EXOC4: variants seen among roughly 807,000 people sequenced by gnomAD.
EXOC4 encodes the protein SEC8-like 1.
EXOC4 carries 71 observed loss-of-function variants against 107.2 expected under a neutral mutation model. That is an observed-to-expected ratio of 0.66 (90% CI 0.55 to 0.81). The LOEUF is 0.81. Among genes scored for constraint, EXOC4 ranks in the 30% least tolerant of loss-of-function variants. The probability of loss-of-function intolerance (pLI) is 0.00; values close to 1 mark genes in which losing one functional copy is unlikely to be tolerated. For synonymous variants in EXOC4, 456 were observed against 441.2 expected (o/e 1.03, Z -0.42); for missense variants, 1,108 against 1,189.6 (o/e 0.93, Z 1.01).
intron 10 of EXOC4, among the ~76,000 whole-genome samples, chr7:133,645,424 C>T (rs191727287): frequency 7.3e-4 from 111 of 152,068 alleles, no homozygotes; most frequent in Admixed American, 1.4e-3. Context: ...CCTCTTCTCT[C>T]AGTGGTCCCT....
chr7:133,636,911 ACAGT>A (rs1468730316), intron 10 of EXOC4, among the ~76,000 whole-genome samples: 17 of 152,200 alleles, frequency 1.1e-4, no homozygotes, highest in Admixed American at 4.6e-4. Flanking sequence ...AAGACTAGTA[ACAGT>A]CAGAACAAGT....
intron 11 of EXOC4, among the ~76,000 whole-genome samples, chr7:133,886,207 C>T (rs141515372): frequency 1.3e-5 from 2 of 152,310 alleles, no homozygotes; most frequent in African/African-American, 4.8e-5. Context: ...TAAGACTCAT[C>T]AAGACTCCAG....
intron 11 of EXOC4, among the ~76,000 whole-genome samples, chr7:133,864,435 G>A (rs567906852): frequency 1.8e-4 from 27 of 152,198 alleles, no homozygotes. Context: ...GGATCAGGAA[G>A]GCTTTCAGGG....
At chr7:133,837,940 G>C (rs766681778) in intron 11 of EXOC4, among the ~76,000 whole-genome samples, 2 of 152,166 alleles carry the variant, frequency 1.3e-5, no homozygotes, top group Non-Finnish European at 2.9e-5. Context: ...ATCTCTGTCA[G>C]ACCCTTACAG....
intron 10 of EXOC4, among the ~76,000 whole-genome samples, chr7:133,724,005 T>TTA (rs1406269643): frequency 2.6e-5 from 4 of 152,104 alleles, no homozygotes. Context: ...AAGCCCTGAG[T>TTA]TATATATATA....
chr7:133,658,903 A>G (rs779166817), intron 10 of EXOC4, among the ~76,000 whole-genome samples: 9 of 151,340 alleles, frequency 5.9e-5, no homozygotes, highest in African/African-American at 2.2e-4. Context: ...ATGATATTGC[A>G]TAGGAAAGAA....
At chr7:134,083,687 C>A in the EXOC4 span, among the ~76,000 whole-genome samples, 3 of 152,000 alleles carry the variant, frequency 2.0e-5, no homozygotes, top group Non-Finnish European at 4.4e-5. Flanking sequence ...ACTCAGGGCT[C>A]TAAAAAAAAC....
At chr7:133,304,828 T>C (rs1258090080) in intron 3 of EXOC4, among the ~76,000 whole-genome samples, 1 of 152,238 alleles carries the variant, frequency 6.6e-6, no homozygotes, top group African/African-American at 2.4e-5. Flanking sequence ...CCTTTATCTG[T>C]ACCTATTAGG....
intron 2 of EXOC4, among the ~76,000 whole-genome samples, chr7:133,283,556 G>GGTA (rs1372536404): frequency 2.0e-5 from 3 of 152,100 alleles, no homozygotes; most frequent in Non-Finnish European, 2.9e-5. Flanking sequence ...TGGATCATAT[G>GGTA]GTAGTTCTAT....
chr7:134,026,002 A>G (rs751330743), intron 17 of EXOC4, among the ~76,000 whole-genome samples: 3 of 152,200 alleles, frequency 2.0e-5, no homozygotes, highest in Non-Finnish European at 4.4e-5. Flanking sequence ...CACCCAACGC[A>G]GTGCCTCATA....
chr7:133,272,201 G>A (rs1793888685), intron 1 of EXOC4, among the ~76,000 whole-genome samples: 3 of 152,140 alleles, frequency 2.0e-5, no homozygotes, highest in Middle Eastern at 3.2e-3. Context: ...AAAATGAGAT[G>A]CCATTACTAA....
intron 10 of EXOC4, among the ~76,000 whole-genome samples, chr7:133,670,735 C>T (rs571005484): frequency 6.6e-6 from 1 of 152,278 alleles, no homozygotes; most frequent in South Asian, 2.1e-4. Flanking sequence ...ATTTGGAGAA[C>T]ATTCTTACAA....
At chr7:133,802,849 C>CAAAAAA (rs59489161) in intron 10 of EXOC4, among the ~76,000 whole-genome samples, 3 of 64,206 alleles carry the variant, frequency 4.7e-5, no homozygotes, top group Non-Finnish European at 3.2e-5. Flanking sequence ...TCTGTCTCCA[C>CAAAAAA]AAAAAAAAAA....
chr7:133,674,390 C>T (rs1326072229), intron 10 of EXOC4, among the ~76,000 whole-genome samples: 2 of 152,102 alleles, frequency 1.3e-5, no homozygotes, highest in Non-Finnish European at 2.9e-5. Flanking sequence ...TTTTTTTATA[C>T]ATTCATACAC....
chr7:133,655,198 T>C (rs1803261306), intron 10 of EXOC4, among the ~76,000 whole-genome samples: 2 of 152,062 alleles, frequency 1.3e-5, no homozygotes, highest in Non-Finnish European at 2.9e-5. Context: ...ATAAACTTTA[T>C]TTTAAAAATT....
chr7:133,281,596 G>A (rs939408811), intron 2 of EXOC4, among the ~76,000 whole-genome samples: 5 of 151,894 alleles, frequency 3.3e-5, no homozygotes, highest in African/African-American at 4.8e-5. Flanking sequence ...TAGTTTCAAT[G>A]AGTTGTTTGC....
intron 10 of EXOC4, among the ~76,000 whole-genome samples, chr7:133,767,084 T>TG (rs1796153681): frequency 6.6e-6 from 1 of 152,100 alleles, no homozygotes; most frequent in Admixed American, 6.6e-5. Flanking sequence ...ACTTGCATCT[T>TG]TTCAGAGAGT....
intron 9 of EXOC4, among the ~76,000 whole-genome samples, chr7:133,626,594 C>G (rs1229349241): frequency 6.6e-6 from 1 of 152,000 alleles, no homozygotes; most frequent in Non-Finnish European, 1.5e-5. Context: ...ATATTTCTGC[C>G]CGAACTTTAC....
the EXOC4 span, among the ~76,000 whole-genome samples, chr7:134,077,216 C>G: frequency 1.3e-5 from 2 of 152,108 alleles, no homozygotes; most frequent in Non-Finnish European, 2.9e-5. Context: ...TACAAAGGCT[C>G]AAGAACCAAG....
Sources: gnomAD v4.1 joint callset for allele counts (sites outside exome capture counted in the v4.1 genomes callset) on GRCh38, gnomAD v4.1.1 for gene constraint, MANE v1.5 for transcripts, NCBI Gene and HGNC (gene_info 2026-07-23, HGNC 2026-07-21) for gene names.